The following SEMA3E variants were observed in gnomAD, a reference collection of about 807,000 sequenced individuals.
SEMA3E encodes semaphorin 3E, also known as semaphorin-3E.
A neutral mutation model predicts 93.6 loss-of-function variants in SEMA3E; 49 were observed. The observed-to-expected ratio is 0.52, with a 90% confidence interval of 0.42 to 0.66. The LOEUF (loss-of-function observed/expected upper bound fraction) is 0.66. SEMA3E is among the 30% of genes least tolerant of loss of function. The pLI, the probability that SEMA3E is intolerant of heterozygous loss-of-function variation, is 0.00. For missense variants in SEMA3E, 906 were observed against 964.8 expected, an observed-to-expected ratio of 0.94 and a Z score of 0.81; for synonymous variants, 363 against 330.7, an observed-to-expected ratio of 1.10 and a Z score of -1.06.
chr7:83,453,274 C>T (rs1226267713), intron 4 of SEMA3E, among the ~76,000 whole-genome samples: 3 of 152,076 alleles, frequency 2.0e-5, no homozygotes, highest in African/African-American at 7.2e-5. Flanking sequence ...CTGTGATCTG[C>T]CCACCTTGAC....
intron 1 of SEMA3E, among the ~76,000 whole-genome samples, chr7:83,515,135 T>C (rs2115663164): frequency 6.6e-6 from 1 of 152,160 alleles, no homozygotes; most frequent in East Asian, 1.9e-4. Flanking sequence ...AGACAGGAAA[T>C]TCAGCTCACA....
chr7:83,477,865 CAG>C (rs1425244080), intron 2 of SEMA3E, among the ~76,000 whole-genome samples: 5 of 151,248 alleles, frequency 3.3e-5, no homozygotes, highest in African/African-American at 1.2e-4. Context: ...TTTTTATAAA[CAG>C]AATTATCTAA....
intron 4 of SEMA3E, among the ~76,000 whole-genome samples, chr7:83,441,766 C>T (rs1040720547): frequency 6.6e-6 from 1 of 152,162 alleles, no homozygotes; most frequent in Admixed American, 6.5e-5. Context: ...GATACACACA[C>T]ATATATACAT....
chr7:83,395,943 C>T (rs573574806), intron 12 of SEMA3E, among the ~76,000 whole-genome samples: 1 of 152,128 alleles, frequency 6.6e-6, no homozygotes, highest in African/African-American at 2.4e-5. Context: ...TTTGCTGGAA[C>T]ATAACCCTGT....
intron 1 of SEMA3E, among the ~76,000 whole-genome samples, chr7:83,627,881 C>T (rs1438785470): frequency 6.6e-6 from 1 of 152,034 alleles, no homozygotes; most frequent in African/African-American, 2.4e-5. Context: ...GGTTATTTTG[C>T]CCGTTAGTTG....
chr7:83,538,911 C>T (rs1422912069), intron 1 of SEMA3E, among the ~76,000 whole-genome samples: 3 of 152,156 alleles, frequency 2.0e-5, no homozygotes, highest in African/African-American at 4.8e-5. Flanking sequence ...GGATTCCCGT[C>T]GCTCTCTCTT....
intron 1 of SEMA3E, among the ~76,000 whole-genome samples, chr7:83,545,562 A>AAAAAAAAAG (rs1562826983): frequency 1.6e-5 from 2 of 125,266 alleles, no homozygotes; most frequent in African/African-American, 7.8e-5. Flanking sequence ...GAAAAAAAAA[A>AAAAAAAAAG]AAAAAAAGAA....
intron 16 of SEMA3E, among the ~76,000 whole-genome samples, chr7:83,377,005 G>T (rs1787656801): frequency 6.6e-6 from 1 of 151,954 alleles, no homozygotes; most frequent in Admixed American, 6.6e-5. Context: ...AGGCATAGAT[G>T]ATATTTTATG....
intron 4 of SEMA3E, among the ~76,000 whole-genome samples, chr7:83,425,619 G>A (rs927872028): frequency 2.0e-5 from 3 of 152,122 alleles, no homozygotes; most frequent in Non-Finnish European, 4.4e-5. Flanking sequence ...GATTTTATAT[G>A]TACTTAGGTA....
chr7:83,480,583 A>T (rs1790124779), intron 2 of SEMA3E, among the ~76,000 whole-genome samples: 1 of 152,128 alleles, frequency 6.6e-6, no homozygotes, highest in Admixed American at 6.5e-5. Flanking sequence ...AAATAGCAAG[A>T]TATTTTGTAG....
chr7:83,478,525 G>C (rs1035250960), intron 2 of SEMA3E, among the ~76,000 whole-genome samples: 1 of 152,032 alleles, frequency 6.6e-6, no homozygotes. Flanking sequence ...GATTGCAAGG[G>C]GCTATTCATA....
At chr7:83,622,318 A>G (rs1379437419) in intron 1 of SEMA3E, among the ~76,000 whole-genome samples, 6 of 152,200 alleles carry the variant, frequency 3.9e-5, no homozygotes, top group Admixed American at 3.9e-4. Flanking sequence ...ATTATTAAAA[A>G]GTCAAGAAAC....
intron 4 of SEMA3E, among the ~76,000 whole-genome samples, chr7:83,449,701 C>T (rs1225480117): frequency 6.6e-6 from 1 of 152,072 alleles, no homozygotes; most frequent in East Asian, 1.9e-4. Context: ...AATCAGAAAA[C>T]GTTGGTTTTG....
chr7:83,500,590 C>CTTTTTTTTTTTTTTTTTTTTTT (rs371350850), intron 1 of SEMA3E, among the ~76,000 whole-genome samples: 1 of 100,616 alleles, frequency 9.9e-6, no homozygotes. Context: ...AACTTTCTTC[C>CTTTTTTTTTTTTTTTTTTTTTT]TTTTTTTTTT....
At chr7:83,607,630 T>C (rs1433783470) in intron 1 of SEMA3E, among the ~76,000 whole-genome samples, 2 of 152,176 alleles carry the variant, frequency 1.3e-5, no homozygotes, top group Non-Finnish European at 2.9e-5. Context: ...ATACTATAAG[T>C]ATGATCAAGC....
At chr7:83,495,476 CAATT>C (rs3068638) in intron 1 of SEMA3E, among the ~76,000 whole-genome samples, 48,827 of 151,206 alleles carry the variant, frequency 0.32, 9,538 homozygotes, top group East Asian at 0.44. Context: ...AAACATAAAA[CAATT>C]AATGAGATCA....
chr7:83,488,869 T>C (rs1041250867), intron 2 of SEMA3E, among the ~76,000 whole-genome samples: 1 of 152,058 alleles, frequency 6.6e-6, no homozygotes, highest in Non-Finnish European at 1.5e-5. Context: ...ATAAAAACTT[T>C]TGTAGAGAGG....
At chr7:83,511,921 A>G (rs1409701817) in intron 1 of SEMA3E, among the ~76,000 whole-genome samples, 1 of 151,754 alleles carries the variant, frequency 6.6e-6, no homozygotes, top group Admixed American at 6.6e-5. Flanking sequence ...AGTAATTAAA[A>G]TAAATAAATA....
At chr7:83,539,304 G>A (rs112784780) in intron 1 of SEMA3E, among the ~76,000 whole-genome samples, 1,623 of 152,208 alleles carry the variant, frequency 0.011, 18 homozygotes, top group South Asian at 0.028. Flanking sequence ...TGGTATCCCC[G>A]AGTCAGTCAG....
Sources: gnomAD v4.1 joint callset for allele counts (sites outside exome capture counted in the v4.1 genomes callset) on GRCh38, gnomAD v4.1.1 for gene constraint, MANE v1.5 for transcripts, NCBI Gene and HGNC (gene_info 2026-07-23, HGNC 2026-07-21) for gene names.